HEMK2: variants seen among roughly 807,000 people sequenced by gnomAD.
The protein encoded by HEMK2 is methyltransferase HEMK2.
At chr21:28,747,305 C>T in the HEMK2 span, among the ~76,000 whole-genome samples, 1 of 152,152 alleles carries the variant, frequency 6.6e-6, no homozygotes, top group Non-Finnish European at 1.5e-5. Flanking sequence ...GACCGCAGTC[C>T]AGCTATTGGA....
the HEMK2 span, among the ~76,000 whole-genome samples, chr21:28,878,895 T>A: frequency 4.0e-5 from 6 of 149,036 alleles, no homozygotes; most frequent in South Asian, 1.3e-3. Flanking sequence ...AACACATAGA[T>A]CTTTTCTAAG....
chr21:28,856,157 G>A, the HEMK2 span, among the ~76,000 whole-genome samples: 8 of 152,276 alleles, frequency 5.3e-5, no homozygotes, highest in Non-Finnish European at 1.0e-4. Context: ...GCTTATGCCT[G>A]TAATCCCAGC....
the HEMK2 span, among the ~76,000 whole-genome samples, chr21:28,831,475 G>GAAAAGAAAAGA: frequency 8.9e-5 from 3 of 33,600 alleles, no homozygotes; most frequent in African/African-American, 3.4e-4. Context: ...AAGAAAGAAA[G>GAAAAGAAAAGA]AAAGAAAGAA....
chr21:28,851,027 C>T, the HEMK2 span, among the ~76,000 whole-genome samples: 1 of 152,084 alleles, frequency 6.6e-6, no homozygotes, highest in Non-Finnish European at 1.5e-5. Context: ...GCACACCCCA[C>T]CTATGGCTAG....
the HEMK2 span, among the ~76,000 whole-genome samples, chr21:28,784,915 C>T: frequency 0.54 from 82,789 of 152,040 alleles, 25,738 homozygotes; most frequent in African/African-American, 0.84. Context: ...TGCTCACTCT[C>T]TGGGTCTGCA....
the HEMK2 span, chr21:28,875,170 T>C: frequency 6.6e-6 from 1 of 152,284 alleles, no homozygotes; most frequent in South Asian, 2.1e-4. Context: ...GTAACTTCCT[T>C]GTGCCTTCAG....
At chr21:28,646,034 T>C in the HEMK2 span, among the ~76,000 whole-genome samples, 2 of 152,176 alleles carry the variant, frequency 1.3e-5, no homozygotes, top group African/African-American at 4.8e-5. Context: ...TTTTAATTCA[T>C]GTTAAAGCTG....
At chr21:28,603,322 C>T in the HEMK2 span, among the ~76,000 whole-genome samples, 1 of 152,196 alleles carries the variant, frequency 6.6e-6, no homozygotes, top group Non-Finnish European at 1.5e-5. Flanking sequence ...CATTTTCAGG[C>T]ATTGCCCATA....
At chr21:28,812,740 G>A in the HEMK2 span, among the ~76,000 whole-genome samples, 7 of 152,324 alleles carry the variant, frequency 4.6e-5, no homozygotes, top group East Asian at 1.3e-3. Context: ...ACCTCTGGTA[G>A]AATTCAGCTG....
the HEMK2 span, among the ~76,000 whole-genome samples, chr21:28,620,655 C>CTTTTTTTTTTTTTTTT: frequency 3.1e-5 from 2 of 65,538 alleles, no homozygotes; most frequent in East Asian, 4.8e-4. Context: ...ATTCTTCTCT[C>CTTTTTTTTTTTTTTTT]TTTTCTTTTT....
chr21:28,751,045 C>T, the HEMK2 span, among the ~76,000 whole-genome samples: 28 of 152,092 alleles, frequency 1.8e-4, no homozygotes, highest in African/African-American at 6.3e-4. Context: ...TCCTGGCTAA[C>T]AAGGTGAAAC....
the HEMK2 span, chr21:28,577,080 A>C: frequency 1.3e-5 from 2 of 152,224 alleles, no homozygotes; most frequent in Admixed American, 1.3e-4. Context: ...GTTGAGATTT[A>C]ATGTCCAGAA....
chr21:28,630,228 G>A, the HEMK2 span, among the ~76,000 whole-genome samples: 9 of 152,072 alleles, frequency 5.9e-5, no homozygotes, highest in South Asian at 2.1e-4. Flanking sequence ...ACCACAATGC[G>A]ATACCATCTC....
At chr21:28,732,558 G>A in the HEMK2 span, among the ~76,000 whole-genome samples, 1 of 152,188 alleles carries the variant, frequency 6.6e-6, no homozygotes, top group African/African-American at 2.4e-5. Flanking sequence ...CTGGGACGCA[G>A]TTCACTAAGA....
the HEMK2 span, among the ~76,000 whole-genome samples, chr21:28,771,518 A>AACCCCCCC: frequency 9.5e-6 from 1 of 105,594 alleles, no homozygotes; most frequent in African/African-American, 3.4e-5. Context: ...AAGATGCACC[A>AACCCCCCC]CCCCCCCCCG....
At chr21:28,808,342 T>C in the HEMK2 span, among the ~76,000 whole-genome samples, 1 of 152,080 alleles carries the variant, frequency 6.6e-6, no homozygotes, top group African/African-American at 2.4e-5. Context: ...TTTTCCAATA[T>C]TTTTGAAATG....
chr21:28,587,600 T>C, the HEMK2 span, among the ~76,000 whole-genome samples: 1 of 152,216 alleles, frequency 6.6e-6, no homozygotes. Flanking sequence ...TTGTGGTTAC[T>C]AATGGGTGTG....
the HEMK2 span, among the ~76,000 whole-genome samples, chr21:28,797,601 T>A: frequency 6.6e-6 from 1 of 151,128 alleles, no homozygotes; most frequent in Non-Finnish European, 1.5e-5. Context: ...GGTGACAGTA[T>A]GAGACTCTGT....
chr21:28,715,915 T>C, the HEMK2 span, among the ~76,000 whole-genome samples: 1 of 152,184 alleles, frequency 6.6e-6, no homozygotes, highest in Non-Finnish European at 1.5e-5. Flanking sequence ...CCCTATTGCT[T>C]ATTTTTGTTG....
Sources: allele counts gnomAD v4.1 joint callset (sites outside exome capture counted in the v4.1 genomes callset), GRCh38; gene constraint gnomAD v4.1.1; transcripts MANE v1.5; gene names NCBI Gene and HGNC (gene_info 2026-07-23, HGNC 2026-07-21).